The following GALNT13 variants were observed in gnomAD, a reference collection of about 807,000 sequenced individuals.
GALNT13 encodes the protein UDP-GalNAc:polypeptide N-acetylgalactosaminyltransferase 13.
A neutral mutation model predicts 64.2 loss-of-function variants in GALNT13; 28 were observed. The ratio of observed to expected loss-of-function variants is 0.44; its 90% CI spans 0.32 to 0.60. The LOEUF (loss-of-function observed/expected upper bound fraction) is 0.60, where lower values mean the gene tolerates loss of function less well. GALNT13 is among the 20% of genes least tolerant of loss of function. The probability of loss-of-function intolerance (pLI) is 0.05; values close to 1 mark genes in which losing one functional copy is unlikely to be tolerated. For missense variants in GALNT13, 577 were observed against 669.8 expected (o/e 0.86, Z 1.53); for synonymous variants, 214 against 224.6 (o/e 0.95, Z 0.42).
At chr2:153,357,646 A>G in the GALNT13 span, among the ~76,000 whole-genome samples, 1 of 152,180 alleles carries the variant, frequency 6.6e-6, no homozygotes, top group African/African-American at 2.4e-5. Flanking sequence ...ATATTGAAAT[A>G]AGGGTATGGA....
At chr2:154,194,139 G>GC (rs1553492682) in intron 4 of GALNT13, among the ~76,000 whole-genome samples, 1 of 151,810 alleles carries the variant, frequency 6.6e-6, no homozygotes, top group South Asian at 2.1e-4. Flanking sequence ...CTCATCATGT[G>GC]TTTTTTTTCT....
At chr2:154,328,681 G>A (rs1051598195) in intron 9 of GALNT13, among the ~76,000 whole-genome samples, 2 of 152,170 alleles carry the variant, frequency 1.3e-5, no homozygotes, top group African/African-American at 4.8e-5. Context: ...CCTACAGGTA[G>A]AATTGCTGAA....
the GALNT13 span, among the ~76,000 whole-genome samples, chr2:153,397,024 G>A: frequency 6.6e-6 from 1 of 152,070 alleles, no homozygotes; most frequent in African/African-American, 2.4e-5. Flanking sequence ...ACAGTGAATT[G>A]GGAGTTTGTT....
intron 1 of GALNT13, among the ~76,000 whole-genome samples, chr2:153,884,856 TACAC>T (rs144324984): frequency 0.23 from 27,112 of 120,226 alleles, 3,023 homozygotes; most frequent in Non-Finnish European, 0.25. Flanking sequence ...TATATGTATA[TACAC>T]ACACACACAC....
intron 3 of GALNT13, among the ~76,000 whole-genome samples, chr2:153,991,586 A>C (rs1207539102): frequency 6.6e-6 from 1 of 152,148 alleles, no homozygotes. Flanking sequence ...TGGCCACTTT[A>C]CAAGAAAAGA....
the GALNT13 span, among the ~76,000 whole-genome samples, chr2:153,526,505 C>T: frequency 6.6e-6 from 1 of 152,176 alleles, no homozygotes; most frequent in African/African-American, 2.4e-5. Context: ...TTGGGGTTTC[C>T]CCTAAAGCAG....
At chr2:153,834,160 T>C in the GALNT13 span, among the ~76,000 whole-genome samples, 1 of 152,152 alleles carries the variant, frequency 6.6e-6, no homozygotes, top group Non-Finnish European at 1.5e-5. Context: ...GTATATTTTC[T>C]GTTGTAAAGC....
the GALNT13 span, among the ~76,000 whole-genome samples, chr2:153,628,157 G>T: frequency 6.6e-6 from 1 of 151,904 alleles, no homozygotes; most frequent in African/African-American, 2.4e-5. Context: ...GTCTGTTATT[G>T]GTGTATAAGA....
intron 9 of GALNT13, among the ~76,000 whole-genome samples, chr2:154,322,852 G>T (rs1291499441): frequency 6.6e-6 from 1 of 152,052 alleles, no homozygotes; most frequent in East Asian, 1.9e-4. Flanking sequence ...GCTGGCAAAT[G>T]GGCTGTTCTG....
At chr2:153,420,423 T>C in the GALNT13 span, among the ~76,000 whole-genome samples, 1 of 152,194 alleles carries the variant, frequency 6.6e-6, no homozygotes, top group Non-Finnish European at 1.5e-5. Flanking sequence ...TGCTGATAAT[T>C]CAAAAAAATT....
the GALNT13 span, among the ~76,000 whole-genome samples, chr2:153,359,989 A>G: frequency 7.9e-5 from 12 of 152,332 alleles, no homozygotes; most frequent in East Asian, 1.9e-3. Context: ...AGCAAGGACA[A>G]TAGCGGTGGG....
chr2:153,934,329 TG>T (rs1690746837), intron 2 of GALNT13, among the ~76,000 whole-genome samples: 1 of 152,198 alleles, frequency 6.6e-6, no homozygotes, highest in South Asian at 2.1e-4. Flanking sequence ...GTAAATTTTC[TG>T]GGAATGTGAA....
the GALNT13 span, among the ~76,000 whole-genome samples, chr2:153,257,221 G>GTCA: frequency 6.6e-6 from 1 of 152,262 alleles, no homozygotes; most frequent in South Asian, 2.1e-4. Flanking sequence ...TTTTCCAGGT[G>GTCA]CCGTCTGTCA....
At chr2:153,773,831 ATC>A in the GALNT13 span, among the ~76,000 whole-genome samples, 1 of 152,172 alleles carries the variant, frequency 6.6e-6, no homozygotes, top group Non-Finnish European at 1.5e-5. Context: ...ACTATTTATG[ATC>A]TGTCTCTTTT....
At chr2:154,156,047 A>G (rs1392399095) in intron 4 of GALNT13, among the ~76,000 whole-genome samples, 2 of 149,474 alleles carry the variant, frequency 1.3e-5, no homozygotes, top group African/African-American at 5.1e-5. Context: ...CATTCTTTCT[A>G]TTATTTTTTA....
chr2:154,049,715 C>T (rs867328761), intron 3 of GALNT13, among the ~76,000 whole-genome samples: 28 of 151,722 alleles, frequency 1.8e-4, no homozygotes, highest in African/African-American at 6.8e-4. Flanking sequence ...TGTTTTCATG[C>T]TAAGGACAGG....
chr2:153,112,738 C>T, the GALNT13 span, among the ~76,000 whole-genome samples: 1 of 152,174 alleles, frequency 6.6e-6, no homozygotes, highest in African/African-American at 2.4e-5. Flanking sequence ...GAAGTATTAA[C>T]TTCCCCTTTA....
chr2:153,720,178 G>A, the GALNT13 span, among the ~76,000 whole-genome samples: 1 of 146,286 alleles, frequency 6.8e-6, no homozygotes, highest in Non-Finnish European at 1.5e-5. Context: ...GCCTAACTGG[G>A]AGGCACCCCC....
At chr2:154,390,473 C>G (rs1181797608) in intron 9 of GALNT13, among the ~76,000 whole-genome samples, 1 of 152,134 alleles carries the variant, frequency 6.6e-6, no homozygotes, top group Non-Finnish European at 1.5e-5. Flanking sequence ...AGTGAGAGCA[C>G]GTGGTATGTG....
Sources: gnomAD v4.1 joint callset for allele counts (sites outside exome capture counted in the v4.1 genomes callset) on GRCh38, gnomAD v4.1.1 for gene constraint, MANE v1.5 for transcripts, NCBI Gene and HGNC (gene_info 2026-07-23, HGNC 2026-07-21) for gene names.